GRID2: variants seen among roughly 807,000 people sequenced by gnomAD.
The protein encoded by GRID2 is glutamate ionotropic receptor delta type subunit 2, also known as glutamate receptor ionotropic, delta-2.
GRID2 carries 33 observed loss-of-function variants against 114.8 expected under a neutral mutation model. The ratio of observed to expected loss-of-function variants is 0.29; its 90% CI spans 0.22 to 0.38. The LOEUF is 0.38. GRID2 is among the 10% of genes least tolerant of loss of function. The pLI is 1.00. For missense variants in GRID2, 1,184 were observed against 1,257.7 expected (o/e 0.94, Z 0.89); for synonymous variants, 505 against 449.9 (o/e 1.12, Z -1.55).
chr4:92,927,554 T>A (rs1476248050), intron 2 of GRID2, among the ~76,000 whole-genome samples: 1 of 151,690 alleles, frequency 6.6e-6, no homozygotes, highest in African/African-American at 2.4e-5. Flanking sequence ...TCATTTATAA[T>A]GGGTAGTAAG....
chr4:93,095,176 G>T (rs1731094963), intron 3 of GRID2, among the ~76,000 whole-genome samples: 1 of 151,756 alleles, frequency 6.6e-6, no homozygotes, highest in Non-Finnish European at 1.5e-5. Context: ...TGCAGAATGT[G>T]CAGGTTTGTT....
chr4:92,968,755 G>T (rs72665222), intron 2 of GRID2, among the ~76,000 whole-genome samples: 1 of 151,508 alleles, frequency 6.6e-6, no homozygotes, highest in East Asian at 1.9e-4. Context: ...CTCCACCCAC[G>T]TCCCCTAGCC....
intron 11 of GRID2, 52 bp from the exon 12 acceptor site, chr4:93,490,587 C>T: frequency 6.9e-7 from 1 of 1,457,280 alleles, no homozygotes; most frequent in Non-Finnish European, 9.5e-7. Context: ...GACTTCAGAT[C>T]CTCAATAAAT....
At chr4:92,525,247 TCTTAGA>T (rs1724987447) in intron 1 of GRID2, among the ~76,000 whole-genome samples, 2 of 150,760 alleles carry the variant, frequency 1.3e-5, no homozygotes, top group South Asian at 4.2e-4. Flanking sequence ...AATATAAAAA[TCTTAGA>T]GTCAGATTGG....
intron 11 of GRID2, among the ~76,000 whole-genome samples, chr4:93,458,100 C>T (rs940163089): frequency 2.0e-5 from 3 of 152,052 alleles, no homozygotes; most frequent in African/African-American, 7.2e-5. Flanking sequence ...TAGGACAGAG[C>T]TCTAAGGAAA....
intron 9 of GRID2, among the ~76,000 whole-genome samples, chr4:93,411,407 A>T (rs1309846591): frequency 6.6e-6 from 1 of 151,764 alleles, no homozygotes; most frequent in Non-Finnish European, 1.5e-5. Flanking sequence ...AGCAATATGC[A>T]AATGAGTATT....
chr4:92,955,069 T>G (rs200622270), intron 2 of GRID2, among the ~76,000 whole-genome samples: 1 of 107,266 alleles, frequency 9.3e-6, no homozygotes, highest in Non-Finnish European at 1.8e-5. Context: ...AATGCCACAA[T>G]AAACATACAT....
At chr4:93,227,979 G>T (rs971075047) in intron 7 of GRID2, among the ~76,000 whole-genome samples, 2 of 152,136 alleles carry the variant, frequency 1.3e-5, no homozygotes, top group Non-Finnish European at 2.9e-5. Context: ...GTCCTCACTA[G>T]AATTGTTCTT....
At chr4:92,860,431 T>A (rs1174252357) in intron 2 of GRID2, among the ~76,000 whole-genome samples, 1 of 152,150 alleles carries the variant, frequency 6.6e-6, no homozygotes, top group Non-Finnish European at 1.5e-5. Context: ...CTATGATTTG[T>A]GAAAGTGCTT....
chr4:93,753,852 A>T (rs1578740089), intron 14 of GRID2, among the ~76,000 whole-genome samples: 1 of 152,332 alleles, frequency 6.6e-6, no homozygotes. Context: ...AGACTCACTG[A>T]GCTGTAATTT....
At chr4:92,776,841 G>A (rs1216376793) in intron 2 of GRID2, among the ~76,000 whole-genome samples, 1 of 151,940 alleles carries the variant, frequency 6.6e-6, no homozygotes, top group South Asian at 2.1e-4. Flanking sequence ...AATGAAGGTA[G>A]TATATCAGTA....
intron 8 of GRID2, among the ~76,000 whole-genome samples, chr4:93,240,634 G>A (rs10015081): frequency 0.54 from 81,067 of 150,714 alleles, 22,870 homozygotes; most frequent in Middle Eastern, 0.73. Flanking sequence ...TATTATTATT[G>A]CTGTTTAGTA....
At chr4:93,717,348 G>C (rs1728985469) in intron 14 of GRID2, among the ~76,000 whole-genome samples, 1 of 151,454 alleles carries the variant, frequency 6.6e-6, no homozygotes, top group Non-Finnish European at 1.5e-5. Flanking sequence ...TTATCTTTTG[G>C]GTTAATGGAA....
intron 8 of GRID2, among the ~76,000 whole-genome samples, chr4:93,241,881 G>GT (rs1747560157): frequency 2.6e-5 from 4 of 151,476 alleles, no homozygotes; most frequent in Admixed American, 2.0e-4. Context: ...TTTTTACAAT[G>GT]TAAGAGATTT....
chr4:92,563,363 C>A (rs1238844267), intron 1 of GRID2, among the ~76,000 whole-genome samples: 1 of 151,984 alleles, frequency 6.6e-6, no homozygotes, highest in East Asian at 1.9e-4. Context: ...AACTTTTCTG[C>A]CTCAGTAATG....
chr4:92,983,803 C>G (rs1198492243), intron 2 of GRID2, among the ~76,000 whole-genome samples: 3 of 152,094 alleles, frequency 2.0e-5, no homozygotes, highest in Non-Finnish European at 4.4e-5. Flanking sequence ...TATAAGGGCA[C>G]ACTGAAATAA....
At chr4:92,464,326 T>G (rs1420578653) in intron 1 of GRID2, among the ~76,000 whole-genome samples, 1 of 152,052 alleles carries the variant, frequency 6.6e-6, no homozygotes, top group East Asian at 1.9e-4. Context: ...TTTCCTGTCC[T>G]AACCCCAATT....
chr4:93,046,479 A>C (rs1329794676), intron 2 of GRID2, among the ~76,000 whole-genome samples: 1 of 152,112 alleles, frequency 6.6e-6, no homozygotes, highest in Non-Finnish European at 1.5e-5. Flanking sequence ...CATCTTAGCC[A>C]CCTTGTTGTA....
intron 13 of GRID2, among the ~76,000 whole-genome samples, chr4:93,560,222 TAAAAAAAAAAA>T (rs70942974): frequency 0.018 from 764 of 42,972 alleles, 6 homozygotes; most frequent in Middle Eastern, 0.026. Flanking sequence ...GAACTTAAAG[TAAAAAAAAAAA>T]AAAAAAAAAA....
Sources: allele counts gnomAD v4.1 joint callset (sites outside exome capture counted in the v4.1 genomes callset), GRCh38; gene constraint gnomAD v4.1.1; transcripts MANE v1.5; gene names NCBI Gene and HGNC (gene_info 2026-07-23, HGNC 2026-07-21).